Variants in SMG7 observed in about 807,000 individuals in gnomAD.
SMG7 encodes the protein SMG7 nonsense mediated mRNA decay factor.
A neutral mutation model predicts 148.2 loss-of-function variants in SMG7; 34 were observed. That is an observed-to-expected ratio of 0.23 (90% CI 0.17 to 0.31). SMG7 has a LOEUF of 0.31. Ranked by LOEUF, SMG7 falls within the 10% of genes least tolerant of loss-of-function variation. The pLI, the probability that SMG7 is intolerant of heterozygous loss-of-function variation, is 1.00. For synonymous variants in SMG7, 492 were observed against 515.1 expected (o/e 0.96, Z 0.61); for missense variants, 1,114 against 1,408.4 (o/e 0.79, Z 3.35).
In SMG7 at chr1:183,546,333, T is replaced by G. The variant is rs200976676; in HGVS notation, c.2738T>G (p.Phe913Cys). The G allele has an allele frequency of 6.7e-5, 107 of 1,607,374 alleles. 1 individual carries two copies. The South Asian group carries it at 1.2e-3, about 17-fold the overall frequency. The change falls in exon 17 of 23, where the codon TTT becomes TGT. Residue 913 changes from phenylalanine to cysteine, a missense_variant. Physicochemically the swap from Phe to Cys is radical, Grantham distance 205 (BLOSUM62 -2). Coordinates refer to ENST00000688051, the MANE Select transcript of SMG7 (RefSeq NM_001375584.1). ...PEQDPVPRMP[F>C]EDPKSSPLLP... ...CAGGATCCTGTACCCAGAATGCCGT[T>G]TGAGGTGTGTGTTCTTTCCTATCAC...
At chr1:183,531,728 T>C (rs1303121592) in intron 8 of SMG7, among the ~76,000 whole-genome samples, 1 of 152,194 alleles carries the variant, frequency 6.6e-6, no homozygotes, top group Non-Finnish European at 1.5e-5. Flanking sequence ...GGATATTGCC[T>C]TCTAAAATTA....
At chr1:183,490,206 A>G (rs1656607565) in intron 1 of SMG7, among the ~76,000 whole-genome samples, 1 of 152,260 alleles carries the variant, frequency 6.6e-6, no homozygotes, top group Non-Finnish European at 1.5e-5. Flanking sequence ...GCAAGTTTAG[A>G]GATGACTTAG....
chr1:183,546,691 C>A (rs984884406), intron 17 of SMG7, among the ~76,000 whole-genome samples: 3 of 152,226 alleles, frequency 2.0e-5, no homozygotes, highest in Admixed American at 6.5e-5. Flanking sequence ...AAATTGCTCT[C>A]TGAGAGGAAC....
chr1:183,539,551 G>T (rs769312281), intron 12 of SMG7, among the ~76,000 whole-genome samples: 6 of 152,070 alleles, frequency 3.9e-5, no homozygotes, highest in Non-Finnish European at 8.8e-5. Flanking sequence ...TTGAAGTTTG[G>T]ATGCATATTC....
rs1486292699 is a variant in SMG7 at position 183,552,161 on chromosome 1, G to A, written c.*230G>A. On this transcript the variant is annotated 3_prime_UTR_variant, in exon 23 of 23. Transcript: ENST00000688051. The stretch of plus-strand genomic sequence containing the variant: ...CCCCCCGGGGCCCTCCGGAGGGAGA[G>A]AGAGAGGAACTGCTGTTTATCTCAC... 2.5e-6 allele frequency: 3 copies of A among 1,191,558 alleles called. No homozygotes were observed. Among genetic ancestry groups the A allele is most frequent in the East Asian group, 7.7e-5 (2 of 26,026 alleles). The allele number at this position is 1,191,558 out of a possible 1,614,324, so 73.8% of individuals were successfully genotyped here.
chr1:183,539,911 T>G (rs1668492648), intron 12 of SMG7, among the ~76,000 whole-genome samples: 1 of 152,168 alleles, frequency 6.6e-6, no homozygotes, highest in Non-Finnish European at 1.5e-5. Context: ...CTGCCTATAG[T>G]TTTTAAGTAT....
intron 1 of SMG7, among the ~76,000 whole-genome samples, chr1:183,488,136 G>A (rs1224536722): frequency 6.6e-6 from 1 of 152,158 alleles, no homozygotes; most frequent in Non-Finnish European, 1.5e-5. Context: ...CACTTAGTGT[G>A]TTTTTCATCT....
intron 1 of SMG7, among the ~76,000 whole-genome samples, chr1:183,484,331 A>T (rs1389755757): frequency 2.0e-5 from 3 of 151,800 alleles, no homozygotes; most frequent in East Asian, 1.9e-4. Context: ...TTTGTATTTT[A>T]AAAAATTGTT....
intron 15 of SMG7, 71 bp from the exon 16 acceptor site, chr1:183,544,856 TAAA>T: frequency 7.4e-7 from 1 of 1,358,584 alleles, no homozygotes; most frequent in South Asian, 1.4e-5. Flanking sequence ...ACCTACCTGT[TAAA>T]AAAAAAATGA....
chr1:183,473,150 A>C (rs1314621200), intron 1 of SMG7, among the ~76,000 whole-genome samples: 1 of 151,746 alleles, frequency 6.6e-6, no homozygotes, highest in Non-Finnish European at 1.5e-5. Context: ...GGGAGACCGC[A>C]GGAAACTGGA....
intron 1 of SMG7, among the ~76,000 whole-genome samples, chr1:183,479,230 T>C (rs1653454382): frequency 6.6e-6 from 1 of 152,164 alleles, no homozygotes; most frequent in Admixed American, 6.5e-5. Flanking sequence ...GTTTTTTTCT[T>C]GTCTGTTTCA....
chr1:183,489,049 ATCTT>A (rs1656261747), intron 1 of SMG7, among the ~76,000 whole-genome samples: 1 of 152,116 alleles, frequency 6.6e-6, no homozygotes, highest in Non-Finnish European at 1.5e-5. Context: ...TGTTCACAAT[ATCTT>A]TCACGTGTGT....
intron 3 of SMG7, among the ~76,000 whole-genome samples, chr1:183,516,829 G>A (rs995054511): frequency 6.6e-6 from 1 of 152,194 alleles, no homozygotes; most frequent in Non-Finnish European, 1.5e-5. Flanking sequence ...TGAGGGAAGT[G>A]ATTGTCCTCC....
intron 1 of SMG7, among the ~76,000 whole-genome samples, chr1:183,491,571 C>A (rs566435729): frequency 2.3e-4 from 35 of 152,112 alleles, no homozygotes; most frequent in African/African-American, 8.2e-4. Context: ...ATATATATAT[C>A]TCCTAGTCTG....
rs765905617 is a variant in SMG7, at chr1:183,533,265, C to T, written c.945C>T (p.Thr315=). The change falls in exon 9 of 23, where the codon ACC becomes ACT. Residue 315 remains threonine (T), a synonymous_variant. Coordinates refer to ENST00000688051, the MANE Select transcript of SMG7 (RefSeq NM_001375584.1). Reference sequence around the variant, plus strand: ...ACCTTCGTGACTTTAGCAATGAAACCGAGCAGCACACTTATAGCCAAGATG... The same window carrying T: ...ACCTTCGTGACTTTAGCAATGAAACTGAGCAGCACACTTATAGCCAAGATG... The part of the protein sequence containing the change: ...LHHLRDFSNE[T]EQHTYSQDEQ... 6.2e-6 allele frequency: 10 copies of T among 1,613,930 alleles called. No homozygotes were observed. Among genetic ancestry groups the T allele is most frequent in the South Asian group, 3.3e-5 (3 of 91,078 alleles).
intron 3 of SMG7, 86 bp from the exon 4 acceptor site, chr1:183,517,602 C>T (rs1460042470): frequency 8.2e-7 from 1 of 1,226,310 alleles, no homozygotes; most frequent in South Asian, 1.2e-5. Context: ...ATAATTATAA[C>T]AGACAGTTCT....
At chr1:183,482,783 T>C (rs945153351) in intron 1 of SMG7, among the ~76,000 whole-genome samples, 3 of 152,196 alleles carry the variant, frequency 2.0e-5, no homozygotes, top group Admixed American at 6.5e-5. Context: ...ACCTGAAGTT[T>C]CAGGCATCCA....
chr1:183,488,710 C>T lies in SMG7; in HGVS notation c.29+16061C>T, dbSNP rs538025701. On this transcript the variant is annotated intron_variant, in intron 1 of 22. Coordinates refer to ENST00000688051, the MANE Select transcript of SMG7 (RefSeq NM_001375584.1). ...TTTTTTTTTTTTTTTTTTTTTGAGA[C>T]GGTCTCACTCTGTTGCCCAGGCTGG... is the stretch of plus-strand genomic sequence containing the variant. 3.3e-3 allele frequency among the ~76,000 whole-genome samples: 333 copies of T among 101,104 alleles called. 3 individuals are homozygous for T. Among genetic ancestry groups the T allele is most frequent in the Non-Finnish European group, 4.0e-3 (218 of 54,340 alleles). The allele number at this position is 101,104 out of a possible 152,430, so 66.3% of individuals were successfully genotyped here.
chr1:183,552,273 G>A lies in SMG7; in HGVS notation c.*342G>A, dbSNP rs2102842094. The A allele has an allele frequency of 2.0e-6, 2 of 1,024,106 alleles. No individual in the cohort carries two copies. Among genetic ancestry groups the A allele is most frequent in the South Asian group, 4.6e-5 (1 of 21,896 alleles). 63.4% of individuals were successfully genotyped at this position (1,024,106 alleles called of 1,614,324 possible). On this transcript the variant is annotated 3_prime_UTR_variant, in exon 23 of 23. Coordinates refer to ENST00000688051, the MANE Select transcript of SMG7 (RefSeq NM_001375584.1). ...AAGTGAAAGCTGAGAAGGGAAGGCA[G>A]ATGGGAGAAGCCAATGGGAACTTCT...
Sources: gnomAD v4.1 joint callset for allele counts (sites outside exome capture counted in the v4.1 genomes callset) on GRCh38, gnomAD v4.1.1 for gene constraint, MANE v1.5 for transcripts, NCBI Gene and HGNC (gene_info 2026-07-23, HGNC 2026-07-21) for gene names.